CELF2: variants seen among roughly 807,000 people sequenced by gnomAD.
CELF2 encodes the protein CUG triplet repeat RNA-binding protein 2.
CELF2 carries 8 observed loss-of-function variants against 62.6 expected under a neutral mutation model. The ratio of observed to expected loss-of-function variants is 0.13; its 90% CI spans 0.07 to 0.23. The LOEUF (loss-of-function observed/expected upper bound fraction) is 0.23. CELF2 is among the 10% of genes least tolerant of loss of function. The probability of loss-of-function intolerance (pLI) is 1.00; values close to 1 mark genes in which losing one functional copy is unlikely to be tolerated. For missense variants in CELF2, 333 were observed against 671.0 expected (o/e 0.50, Z 5.56); for synonymous variants, 258 against 250.0 (o/e 1.03, Z -0.30).
the CELF2 span, among the ~76,000 whole-genome samples, chr10:10,475,075 G>T: frequency 2.6e-5 from 4 of 152,090 alleles, no homozygotes; most frequent in Non-Finnish European, 4.4e-5. Context: ...GAACATTTCA[G>T]GAATTGTTTT....
chr10:11,042,647 A>G (rs189184364), intron 1 of CELF2, among the ~76,000 whole-genome samples: 2 of 152,294 alleles, frequency 1.3e-5, no homozygotes, highest in African/African-American at 2.4e-5. Flanking sequence ...GGACAATTTC[A>G]TCACCCAAAA....
chr10:11,313,710 G>T (rs1167120121), intron 9 of CELF2, among the ~76,000 whole-genome samples: 1 of 151,500 alleles, frequency 6.6e-6, no homozygotes, highest in Non-Finnish European at 1.5e-5. Context: ...ACTGTATGAG[G>T]TTAGCAAAAC....
chr10:11,190,671 T>G (rs992131850), intron 2 of CELF2, among the ~76,000 whole-genome samples: 1 of 150,802 alleles, frequency 6.6e-6, no homozygotes, highest in Non-Finnish European at 1.5e-5. Flanking sequence ...AAGGAGAGCT[T>G]CTGTCCTCGA....
the CELF2 span, among the ~76,000 whole-genome samples, chr10:10,750,648 A>C: frequency 6.6e-6 from 1 of 152,276 alleles, no homozygotes; most frequent in Non-Finnish European, 1.5e-5. Flanking sequence ...TTATTCACGC[A>C]AATACACATG....
chr10:10,667,965 A>G, the CELF2 span, among the ~76,000 whole-genome samples: 1 of 152,196 alleles, frequency 6.6e-6, no homozygotes, highest in Non-Finnish European at 1.5e-5. Context: ...TGCCCCAAAG[A>G]GGCACAGATT....
the CELF2 span, among the ~76,000 whole-genome samples, chr10:10,705,978 A>G: frequency 6.6e-6 from 1 of 152,050 alleles, no homozygotes; most frequent in Non-Finnish European, 1.5e-5. Context: ...GTCTTCCTTC[A>G]CTCACTGGTG....
rs911469787 is a variant in CELF2 at position 11,227,166 on chromosome 10, G to A, written c.354+9659G>A. Among the ~76,000 whole-genome samples, 2 of 152,204 alleles carry A rather than the reference G, an allele frequency of 1.3e-5. No homozygotes were observed. The highest frequency in any genetic ancestry group is 2.9e-5 in the Non-Finnish European group (2 of 68,036). On this transcript the variant is annotated intron_variant, in intron 3 of 12. Transcript: ENST00000633077. The surrounding 1 kb of genome is among the most constrained non-coding windows in gnomAD (Gnocchi z 4.8). ...AACAAACGGAAACCTCAACCTGCCT[G>A]CCATCATCACACCCTCCTGCCCTGA... is the stretch of plus-strand genomic sequence containing the variant.
At chr10:10,516,981 G>A in the CELF2 span, among the ~76,000 whole-genome samples, 8 of 152,198 alleles carry the variant, frequency 5.3e-5, no homozygotes, top group East Asian at 1.9e-4. Context: ...TGAGAGAACC[G>A]TAGGATCCCA....
chr10:11,204,098 A>C (rs908727395), intron 2 of CELF2, among the ~76,000 whole-genome samples: 1 of 152,198 alleles, frequency 6.6e-6, no homozygotes, highest in Non-Finnish European at 1.5e-5. Flanking sequence ...TCCGCTTTCA[A>C]AAGGGTCCTC....
chr10:10,921,064 C>T (rs879714217), intron 2 of CELF2, among the ~76,000 whole-genome samples: 2 of 151,942 alleles, frequency 1.3e-5, no homozygotes, highest in African/African-American at 2.4e-5. Context: ...AAGCGATTCT[C>T]CTGCCTCAGC....
the CELF2 span, among the ~76,000 whole-genome samples, chr10:10,617,965 A>G: frequency 6.6e-6 from 1 of 151,996 alleles, no homozygotes. Flanking sequence ...GTAACTCTTG[A>G]CTTCTTCCCT....
At chr10:11,188,946 T>A (rs2075669330) in intron 2 of CELF2, among the ~76,000 whole-genome samples, 1 of 152,254 alleles carries the variant, frequency 6.6e-6, no homozygotes, top group Non-Finnish European at 1.5e-5. Context: ...TTGTAGTTTT[T>A]AATCTCTAGA....
At chr10:11,173,648 G>A (rs2069804970) in intron 2 of CELF2, among the ~76,000 whole-genome samples, 1 of 152,244 alleles carries the variant, frequency 6.6e-6, no homozygotes, top group Middle Eastern at 3.4e-3. Context: ...TGGACATACA[G>A]CCCCAGATTC....
chr10:10,846,578 G>T (rs1366848731), intron 1 of CELF2, among the ~76,000 whole-genome samples: 2 of 152,164 alleles, frequency 1.3e-5, no homozygotes, highest in East Asian at 3.9e-4. Context: ...ATTTAGAAGG[G>T]TTCCATAAAT....
Position 11,005,891 on chromosome 10 carries a change from C to A in CELF2, c.53+451C>A, listed in dbSNP as rs1712258548. Among the ~76,000 whole-genome samples the A allele has an allele frequency of 6.6e-6, 1 of 152,204 alleles. No individual in the cohort carries two copies. Among genetic ancestry groups the A allele is most frequent in the African/African-American group, 2.4e-5 (1 of 41,438 alleles). On this transcript the variant is annotated intron_variant, in intron 1 of 12. Coordinates refer to the CELF2 transcript ENST00000416382. This position sits in a 1 kb window ranked among gnomAD's most constrained non-coding sequence, Gnocchi z 4.3. Reference sequence around the variant, plus strand: ...ACCGCTCTAATCTGGACTTAGCCTACCTAAATAGTCCTCCTGTGTTACCAG... The same window carrying A: ...ACCGCTCTAATCTGGACTTAGCCTAACTAAATAGTCCTCCTGTGTTACCAG...
intron 1 of CELF2, among the ~76,000 whole-genome samples, chr10:10,913,407 T>TTTTGATTG (rs2063991012): frequency 7.2e-6 from 1 of 139,674 alleles, no homozygotes; most frequent in Non-Finnish European, 1.5e-5. Flanking sequence ...TTTTTTTTTT[T>TTTTGATTG]GAGATGGAGT....
chr10:11,041,276 AT>A (rs2061801001), intron 1 of CELF2, among the ~76,000 whole-genome samples: 1 of 152,078 alleles, frequency 6.6e-6, no homozygotes, highest in Admixed American at 6.5e-5. Flanking sequence ...TAACATACGC[AT>A]TTTAGGGGGA....
chr10:10,590,088 G>A, the CELF2 span, among the ~76,000 whole-genome samples: 1 of 152,126 alleles, frequency 6.6e-6, no homozygotes, highest in Non-Finnish European at 1.5e-5. Flanking sequence ...GGTTTTATTT[G>A]CCTCCAGGGC....
At chr10:11,252,731 G>C (rs1347844196) in intron 4 of CELF2, among the ~76,000 whole-genome samples, 6 of 152,152 alleles carry the variant, frequency 3.9e-5, no homozygotes, top group Admixed American at 2.6e-4. Context: ...GCGGCATCGT[G>C]TTTTCCATCC....
Sources: allele counts gnomAD v4.1 joint callset (sites outside exome capture counted in the v4.1 genomes callset), GRCh38; gene constraint gnomAD v4.1.1; non-coding constraint Gnocchi (gnomAD v3.1); transcripts MANE v1.5; gene names NCBI Gene and HGNC (gene_info 2026-07-23, HGNC 2026-07-21).